The following MAP3K2 variants were observed in gnomAD, a reference collection of about 807,000 sequenced individuals.
MAP3K2 encodes MAP/ERK kinase kinase 2.
MAP3K2 carries 24 observed loss-of-function variants against 80.3 expected under a neutral mutation model. The observed-to-expected ratio is 0.30, with a 90% confidence interval of 0.22 to 0.42. The LOEUF (loss-of-function observed/expected upper bound fraction) is 0.42. Ranked by LOEUF, MAP3K2 falls within the 10% of genes least tolerant of loss-of-function variation. MAP3K2 has a pLI of 1.00. For synonymous variants in MAP3K2, 244 were observed against 253.7 expected (o/e 0.96, Z 0.36); for missense variants, 608 against 750.1 (o/e 0.81, Z 2.21).
At chr2:127,334,774 A>ATTTT (rs11378420) in intron 5 of MAP3K2, among the ~76,000 whole-genome samples, 1 of 141,340 alleles carries the variant, frequency 7.1e-6, no homozygotes, top group Non-Finnish European at 1.5e-5. Flanking sequence ...TACTTTATGC[A>ATTTT]TTTTTTTTTT....
Position 127,364,858 on chromosome 2 carries a change from T to G in MAP3K2, c.-65-21664A>C, listed in dbSNP as rs1208256414. 2.0e-5 allele frequency among the ~76,000 whole-genome samples: 3 copies of G among 152,106 alleles called. No homozygotes were observed. The highest frequency in any genetic ancestry group is 7.2e-5 in the African/African-American group (3 of 41,416). ...AAAAGCTACTATTGACCAGGCGCAG[T>G]GGCTCACGCCTGTAATCCTAGCACT... On this transcript the variant is annotated intron_variant, in intron 1 of 16. Coordinates refer to ENST00000682094, the MANE Select transcript of MAP3K2 (RefSeq NM_001371910.2). The surrounding 1 kb of genome is among the most constrained non-coding windows in gnomAD (Gnocchi z 4.1).
intron 1 of MAP3K2, among the ~76,000 whole-genome samples, chr2:127,353,303 G>A (rs1383048548): frequency 6.6e-6 from 1 of 151,322 alleles, no homozygotes; most frequent in African/African-American, 2.4e-5. Flanking sequence ...GAGGGCCTCT[G>A]CCCCGCCGCC....
At chr2:127,338,899 A>T in intron 3 of MAP3K2, 33 bp downstream of exon 3, 1 of 1,364,698 alleles carries the variant, frequency 7.3e-7, no homozygotes, top group Non-Finnish European at 1.0e-6. Flanking sequence ...AAAGGAAAGT[A>T]ATTCATAAAA....
intron 1 of MAP3K2, among the ~76,000 whole-genome samples, chr2:127,384,051 T>G (rs969322009): frequency 1.3e-5 from 2 of 150,712 alleles, no homozygotes; most frequent in African/African-American, 4.9e-5. Context: ...TGGTTTTTTT[T>G]GTTTGTTTGT....
At chr2:127,358,218 A>G (rs566611515) in intron 1 of MAP3K2, among the ~76,000 whole-genome samples, 8 of 152,360 alleles carry the variant, frequency 5.3e-5, no homozygotes, top group South Asian at 2.1e-4. Flanking sequence ...AAGATGCTCA[A>G]TATCATTAGT....
At chr2:127,351,427 A>T (rs1686689756) in intron 1 of MAP3K2, among the ~76,000 whole-genome samples, 1 of 152,168 alleles carries the variant, frequency 6.6e-6, no homozygotes, top group African/African-American at 2.4e-5. Context: ...TTATTTCAGA[A>T]GAAAAAAATT....
chr2:127,338,828 C>A (rs1042969253), intron 3 of MAP3K2, 104 bp downstream of exon 3: 1 of 747,026 alleles, frequency 1.3e-6, no homozygotes, highest in Non-Finnish European at 2.2e-6. Context: ...TAACAAAATT[C>A]TTGATTCGAA....
Position 127,310,381 on chromosome 2 carries a change from G to C in MAP3K2, c.1457-1619C>G, listed in dbSNP as rs1685786581. On this transcript the variant is annotated intron_variant, in intron 15 of 16. Coordinates refer to ENST00000682094, the MANE Select transcript of MAP3K2 (RefSeq NM_001371910.2). The surrounding 1 kb of genome is among the most constrained non-coding windows in gnomAD (Gnocchi z 4.8). ...AACAAGATATTGGCCAGGTGCAGTG[G>C]CACACACCTGTACTCCTAGCACTTT... is the stretch of plus-strand genomic sequence containing the variant. 6.6e-6 allele frequency among the ~76,000 whole-genome samples: 1 copy of C among 152,206 alleles called. No homozygotes were observed. The highest frequency in any genetic ancestry group is 1.5e-5 in the Non-Finnish European group (1 of 68,044).
In MAP3K2 at chr2:127,387,402, A is replaced by G. The variant is rs13034125; in HGVS notation, c.-66+50T>C. On this transcript the variant is annotated intron_variant, in intron 1 of 16. Transcript: ENST00000682094. ...CGGCCCCCGACACACACGCGCGCACACACACACACACACACACACAAGCGC... is the reference window on the plus strand; with the variant it reads ...CGGCCCCCGACACACACGCGCGCACGCACACACACACACACACACAAGCGC... 2.3e-3 allele frequency: 504 copies of G among 219,160 alleles called. 5 individuals are homozygous for G. The highest frequency in any genetic ancestry group is 6.2e-3 in the African/African-American group (111 of 18,000). The allele number at this position is 219,160 out of a possible 1,614,324, so 13.6% of individuals were successfully genotyped here. A position where few individuals can be genotyped will look rare whatever the true frequency, so the allele number is the denominator to read the frequency against.
chr2:127,350,331 A>G (rs72845991), intron 1 of MAP3K2, among the ~76,000 whole-genome samples: 37,259 of 151,590 alleles, frequency 0.25, 4,882 homozygotes, highest in Middle Eastern at 0.31. Flanking sequence ...CAATGAAGTT[A>G]GGCCCAATAG....
At chr2:127,324,054 T>G (rs1463743697) in intron 10 of MAP3K2, 60 bp from the exon 11 acceptor site, 1 of 1,099,732 alleles carries the variant, frequency 9.1e-7, no homozygotes, top group Non-Finnish European at 1.3e-6. Context: ...ATATTTCTAA[T>G]GATGAAAAGC....
intron 7 of MAP3K2, among the ~76,000 whole-genome samples, chr2:127,328,321 C>A (rs920270761): frequency 6.6e-6 from 1 of 151,990 alleles, no homozygotes; most frequent in Non-Finnish European, 1.5e-5. Context: ...TAAAAAATGA[C>A]AAGTACCGTA....
chr2:127,353,567 TGG>T (rs70985448), intron 1 of MAP3K2, among the ~76,000 whole-genome samples: 1 of 149,786 alleles, frequency 6.7e-6, no homozygotes, highest in Non-Finnish European at 1.5e-5. Context: ...GGGAGGGAGG[TGG>T]GGGGGGTCAG....
At chr2:127,335,524 C>T (rs1344496592) in intron 5 of MAP3K2, among the ~76,000 whole-genome samples, 1 of 152,168 alleles carries the variant, frequency 6.6e-6, no homozygotes, top group African/African-American at 2.4e-5. Context: ...ACTACCAAAG[C>T]TCTGTCATCT....
At chr2:127,387,012 G>A (rs1215336592) in intron 1 of MAP3K2, among the ~76,000 whole-genome samples, 2 of 152,082 alleles carry the variant, frequency 1.3e-5, no homozygotes, top group East Asian at 1.9e-4. Flanking sequence ...GACAACTGCC[G>A]GGCGCAGACT....
chr2:127,308,909 T>C (rs1248695577), intron 15 of MAP3K2, 147 bp from the exon 16 acceptor site: 1 of 778,810 alleles, frequency 1.3e-6, no homozygotes, highest in Admixed American at 2.7e-5. Flanking sequence ...GTAGCTGGCA[T>C]AATGCTAGTC....
intron 15 of MAP3K2, among the ~76,000 whole-genome samples, chr2:127,313,528 C>T (rs1472066175): frequency 2.6e-5 from 4 of 152,088 alleles, no homozygotes; most frequent in Admixed American, 6.5e-5. Flanking sequence ...ATAATTAGGA[C>T]GTGCCACACC....
intron 1 of MAP3K2, among the ~76,000 whole-genome samples, chr2:127,373,725 GT>G (rs1003747326): frequency 5.9e-5 from 9 of 152,222 alleles, no homozygotes; most frequent in Middle Eastern, 3.4e-3. Flanking sequence ...TCTAGAATGG[GT>G]TTTTTGCTCA....
intron 2 of MAP3K2, among the ~76,000 whole-genome samples, chr2:127,340,697 T>G (rs1189933206): frequency 6.6e-6 from 1 of 151,750 alleles, no homozygotes; most frequent in African/African-American, 2.4e-5. Flanking sequence ...CTTAATTCTA[T>G]ACTAGGGATA....
Sources: allele counts gnomAD v4.1 joint callset (sites outside exome capture counted in the v4.1 genomes callset), GRCh38; gene constraint gnomAD v4.1.1; non-coding constraint Gnocchi (gnomAD v3.1); transcripts MANE v1.5; gene names NCBI Gene and HGNC (gene_info 2026-07-23, HGNC 2026-07-21).